Variants in LCLAT1 observed in about 807,000 individuals in gnomAD.
The protein encoded by LCLAT1 is lysocardiolipin acyltransferase 1.
Under a neutral mutation model 30.7 loss-of-function variants are expected in LCLAT1, and 11 were observed. The observed-to-expected ratio is 0.36, with a 90% CI of 0.23 to 0.59. The LOEUF (loss-of-function observed/expected upper bound fraction) is 0.59, where lower values mean the gene tolerates loss of function less well. Among genes scored for constraint, LCLAT1 ranks in the 20% least tolerant of loss-of-function variants. The pLI, the probability that LCLAT1 is intolerant of heterozygous loss-of-function variation, is 0.77. For missense variants in LCLAT1, 402 were observed against 458.6 expected (o/e 0.88, Z 1.13); for synonymous variants, 155 against 151.3 (o/e 1.02, Z -0.18).
chr2:30,580,683 A>G (rs1197358562), intron 5 of LCLAT1, among the ~76,000 whole-genome samples: 2 of 152,162 alleles, frequency 1.3e-5, no homozygotes, highest in Non-Finnish European at 2.9e-5. Flanking sequence ...AGGATTAACA[A>G]TGGAGCAGTT....
At chr2:30,533,536 G>A (rs1357452102) in intron 3 of LCLAT1, among the ~76,000 whole-genome samples, 1 of 152,140 alleles carries the variant, frequency 6.6e-6, no homozygotes, top group Non-Finnish European at 1.5e-5. Context: ...CTGTTCTCAA[G>A]GAAATGGATA....
At chr2:30,510,977 T>C (rs1439536745) in intron 1 of LCLAT1, among the ~76,000 whole-genome samples, 1 of 152,216 alleles carries the variant, frequency 6.6e-6, no homozygotes, top group African/African-American at 2.4e-5. Flanking sequence ...ATGTTAAAGA[T>C]AGTTTTCTTT....
intron 3 of LCLAT1, among the ~76,000 whole-genome samples, chr2:30,536,853 C>T (rs548281929): frequency 9.9e-5 from 15 of 152,080 alleles, no homozygotes; most frequent in Non-Finnish European, 1.6e-4. Context: ...GGGGATAAGT[C>T]CTCACCTATT....
intron 5 of LCLAT1, among the ~76,000 whole-genome samples, chr2:30,594,369 C>CT (rs1666830255): frequency 6.6e-6 from 1 of 152,158 alleles, no homozygotes; most frequent in Non-Finnish European, 1.5e-5. Context: ...CACCCACCAC[C>CT]TAGAGTCTCC....
At chr2:30,456,311 G>C (rs962854787) in intron 1 of LCLAT1, among the ~76,000 whole-genome samples, 2 of 152,182 alleles carry the variant, frequency 1.3e-5, no homozygotes, top group Non-Finnish European at 2.9e-5. Context: ...CTGATACCAC[G>C]CCAGTGGGGA....
intron 5 of LCLAT1, among the ~76,000 whole-genome samples, chr2:30,599,893 T>G (rs189982269): frequency 5.3e-5 from 8 of 152,338 alleles, no homozygotes; most frequent in African/African-American, 1.7e-4. Context: ...TTTGTGTCTT[T>G]TAATTGGGGC....
At chr2:30,610,472 G>A (rs983445979) in intron 5 of LCLAT1, among the ~76,000 whole-genome samples, 2 of 152,108 alleles carry the variant, frequency 1.3e-5, no homozygotes, top group African/African-American at 2.4e-5. Flanking sequence ...ATCCACTTGT[G>A]TATCAAGGTC....
intron 1 of LCLAT1, among the ~76,000 whole-genome samples, chr2:30,495,440 C>CATAAGTAAATTTATTT (rs1331428452): frequency 6.6e-6 from 1 of 151,444 alleles, no homozygotes; most frequent in Non-Finnish European, 1.5e-5. Flanking sequence ...AATTTTTACC[C>CATAAGTAAATTTATTT]CATAAGTAAA....
intron 5 of LCLAT1, among the ~76,000 whole-genome samples, chr2:30,610,893 CTG>C (rs1234394474): frequency 5.9e-5 from 9 of 151,902 alleles, no homozygotes; most frequent in Non-Finnish European, 1.0e-4. Flanking sequence ...TTGGACTTAA[CTG>C]TTATTATTTC....
At chr2:30,482,546 G>A (rs970619822) in intron 1 of LCLAT1, among the ~76,000 whole-genome samples, 34 of 152,068 alleles carry the variant, frequency 2.2e-4, no homozygotes, top group African/African-American at 8.0e-4. Context: ...CTTATATTTT[G>A]GAGCCACATG....
At chr2:30,602,513 T>A (rs1667236915) in intron 5 of LCLAT1, among the ~76,000 whole-genome samples, 1 of 152,228 alleles carries the variant, frequency 6.6e-6, no homozygotes, top group Admixed American at 6.5e-5. Context: ...ATCCTGCTGT[T>A]GTTTGGCCAT....
Position 30,525,665 on chromosome 2 carries a change from G to C in LCLAT1, c.75G>C (p.Leu25=). ...GCTTTTTTGGAAGCATTTTCATGCT[G>C]AGTCCCTTTTTACCTTTGATGTTTG... ...WGSFFGSIFM[L]SPFLPLMFVN... Residue 25 remains leucine, a synonymous_variant, in exon 2 of 6, where the codon CTG becomes CTC. Transcript: ENST00000379509. 6.2e-7 allele frequency: 1 copy of C among 1,614,052 alleles called. No homozygotes were observed. The highest frequency in any genetic ancestry group is 8.5e-7 in the Non-Finnish European group (1 of 1,179,930).
chr2:30,566,795 G>T (rs1558524521), intron 4 of LCLAT1, among the ~76,000 whole-genome samples: 1 of 152,178 alleles, frequency 6.6e-6, no homozygotes, highest in East Asian at 1.9e-4. Flanking sequence ...TGAATAATGG[G>T]TTTGGTTCTT....
At chr2:30,613,439 T>G (rs1667835408) in intron 5 of LCLAT1, among the ~76,000 whole-genome samples, 1 of 151,862 alleles carries the variant, frequency 6.6e-6, no homozygotes, top group South Asian at 2.1e-4. Flanking sequence ...TTGCAAAAAA[T>G]GGCTGGATTC....
chr2:30,555,950 G>T (rs758544703), intron 3 of LCLAT1, among the ~76,000 whole-genome samples: 9 of 149,906 alleles, frequency 6.0e-5, no homozygotes, highest in Non-Finnish European at 1.2e-4. Flanking sequence ...CCATTCTCCT[G>T]CCTCAGCCTC....
At chr2:30,457,472 A>G (rs140128325) in intron 1 of LCLAT1, among the ~76,000 whole-genome samples, 135 of 152,370 alleles carry the variant, frequency 8.9e-4, no homozygotes, top group African/African-American at 3.1e-3. Context: ...TAAGTTGTGA[A>G]TAACAATAAT....
chr2:30,448,046 C>G (rs951264934), intron 1 of LCLAT1, among the ~76,000 whole-genome samples: 9 of 152,208 alleles, frequency 5.9e-5, no homozygotes, highest in Admixed American at 3.9e-4. Flanking sequence ...AGATAAGGCA[C>G]TTAGATGTGG....
At chr2:30,449,762 A>G (rs1363707754) in intron 1 of LCLAT1, among the ~76,000 whole-genome samples, 1 of 152,112 alleles carries the variant, frequency 6.6e-6, no homozygotes, top group East Asian at 1.9e-4. Flanking sequence ...AGCCTCCCAA[A>G]GTGTTGGGAT....
intron 1 of LCLAT1, among the ~76,000 whole-genome samples, chr2:30,480,193 G>T (rs1683251216): frequency 6.6e-6 from 1 of 152,124 alleles, no homozygotes; most frequent in Non-Finnish European, 1.5e-5. Context: ...CTGATCAGCT[G>T]AACGACATTT....
Sources: allele counts gnomAD v4.1 joint callset (sites outside exome capture counted in the v4.1 genomes callset), GRCh38; gene constraint gnomAD v4.1.1; transcripts MANE v1.5; gene names NCBI Gene and HGNC (gene_info 2026-07-23, HGNC 2026-07-21).